The following ICE1 variants were observed in gnomAD, a reference collection of about 807,000 sequenced individuals.
The protein encoded by ICE1 is little elongation complex subunit 1.
In ICE1, 64 loss-of-function variants were observed where a neutral mutation model predicts 192.7. The ratio of observed to expected loss-of-function variants is 0.33; its 90% CI spans 0.27 to 0.41. The LOEUF (loss-of-function observed/expected upper bound fraction) is 0.41. Ranked by LOEUF, ICE1 falls within the 10% of genes least tolerant of loss-of-function variation. The pLI is 1.00. For missense variants in ICE1, 2,708 were observed against 2,696.0 expected, an observed-to-expected ratio of 1.00 and a Z score of -0.10; for synonymous variants, 1,010 against 984.5, an observed-to-expected ratio of 1.03 and a Z score of -0.49.
At position 5,464,214 on chromosome 5, in the gene ICE1, A is replaced by G. The variant is rs776683220; in HGVS notation, c.4880A>G (p.Glu1627Gly). ...GACACACTGAGTAAAATACGGCAAG[A>G]GGTGGGGCCTCCTTTGCCGCCTCTG... ...SPDTLSKIRQ[E>G]VGPPLPPLLA... The change falls in exon 13 of 19, where the codon GAG becomes GGG. Residue 1627 changes from glutamate to glycine, a missense_variant. Glu to Gly is a moderately conservative substitution (Grantham distance 98). Transcript: ENST00000296564. The surrounding 1 kb of genome is among the most constrained non-coding windows in gnomAD (Gnocchi z 4.0). 3 of 1,613,604 alleles carry G rather than the reference A, an allele frequency of 1.9e-6. No individual in the cohort carries two copies. The East Asian group carries it at 6.7e-5, about 36-fold the overall frequency.
chr5:5,480,168 C>T (rs1318161596), intron 17 of ICE1, among the ~76,000 whole-genome samples: 10 of 152,038 alleles, frequency 6.6e-5, no homozygotes, highest in Admixed American at 6.5e-4. Context: ...ATAAAACAAG[C>T]TTCATCCAAT....
Position 5,465,239 on chromosome 5 carries a change from T to C in ICE1, c.5892+13T>C. The C allele has an allele frequency of 1.3e-6, 2 of 1,523,578 alleles. No homozygotes were observed. Among genetic ancestry groups the C allele is most frequent in the South Asian group, 1.2e-5 (1 of 81,302 alleles). The allele number at this position is 1,523,578 out of a possible 1,614,324, so 94.4% of individuals were successfully genotyped here. ...CACAACAAAAAAGGTATGTGGCTGC[T>C]CTTTTCTAAGTGCATTAGGGATTAC... On this transcript the variant is annotated intron_variant, in intron 13 of 18. Transcript: ENST00000296564.
At chr5:5,485,771 A>G (rs1310144718) in intron 17 of ICE1, among the ~76,000 whole-genome samples, 5 of 152,186 alleles carry the variant, frequency 3.3e-5, no homozygotes, top group East Asian at 1.9e-4. Context: ...AATATCACCA[A>G]TCTCATCACA....
chr5:5,429,256 A>AC (rs1737626246), intron 1 of ICE1, among the ~76,000 whole-genome samples: 1 of 152,006 alleles, frequency 6.6e-6, no homozygotes, highest in African/African-American at 2.4e-5. Context: ...AAGATTCCAG[A>AC]CCCCCACAAG....
chr5:5,487,368 A>G (rs1030101746), intron 18 of ICE1, among the ~76,000 whole-genome samples: 2 of 152,234 alleles, frequency 1.3e-5, no homozygotes, highest in Non-Finnish European at 2.9e-5. Context: ...AGTAACTCTT[A>G]TAAGGGATGA....
At chr5:5,426,200 C>A (rs1191805278) in intron 1 of ICE1, among the ~76,000 whole-genome samples, 1 of 152,232 alleles carries the variant, frequency 6.6e-6, no homozygotes, top group Non-Finnish European at 1.5e-5. Flanking sequence ...GTAATCCCAA[C>A]ACTTTGGGAG....
In ICE1 at chr5:5,465,267, G is replaced by A. The variant is rs572343715; in HGVS notation, c.5892+41G>A. 40 of 1,387,350 alleles carry A rather than the reference G, an allele frequency of 2.9e-5. No individual in the cohort carries two copies. In the South Asian group the frequency reaches 5.6e-4, roughly 19 times the overall value. 85.9% of individuals were successfully genotyped at this position (1,387,350 alleles called of 1,614,324 possible). ...TTTCTAAGTGCATTAGGGATTACAT[G>A]TCCTCAAAGACAGATGCTGTTTACT... On this transcript the variant is annotated intron_variant, in intron 13 of 18. Transcript: ENST00000296564.
At chr5:5,476,229 C>T in intron 17 of ICE1, 150 bp downstream of exon 17, 3 of 501,600 alleles carry the variant, frequency 6.0e-6, no homozygotes, top group Non-Finnish European at 1.0e-5. Context: ...AAGTCATTCT[C>T]CTTTCTCTCT....
At chr5:5,426,530 A>T (rs1561069930) in intron 1 of ICE1, among the ~76,000 whole-genome samples, 1 of 152,006 alleles carries the variant, frequency 6.6e-6, no homozygotes, top group South Asian at 2.1e-4. Context: ...CACTTAAAGG[A>T]ATCTTTGAAA....
chr5:5,423,659 T>C (rs1392369417), intron 1 of ICE1, among the ~76,000 whole-genome samples: 1 of 152,054 alleles, frequency 6.6e-6, no homozygotes, highest in East Asian at 1.9e-4. Flanking sequence ...ATTGCTAGAG[T>C]ATGGCTCCAG....
At chr5:5,454,464 A>G in intron 10 of ICE1, 88 bp from the exon 11 acceptor site, 4 of 838,894 alleles carry the variant, frequency 4.8e-6, no homozygotes, top group South Asian at 1.5e-5. Flanking sequence ...CTAAGTCCCT[A>G]ATAAACCCTG....
intron 17 of ICE1, among the ~76,000 whole-genome samples, chr5:5,485,121 C>A (rs1244586951): frequency 6.6e-6 from 1 of 152,012 alleles, no homozygotes; most frequent in South Asian, 2.1e-4. Flanking sequence ...CTTTGGTTCT[C>A]ATACCTGTTA....
intron 7 of ICE1, among the ~76,000 whole-genome samples, chr5:5,444,696 T>G (rs1738159708): frequency 6.6e-6 from 1 of 152,154 alleles, no homozygotes; most frequent in Non-Finnish European, 1.5e-5. Flanking sequence ...GTGGCTACTT[T>G]TAGTACCAAG....
intron 6 of ICE1, 40 bp downstream of exon 6, chr5:5,443,284 G>A: frequency 9.2e-7 from 1 of 1,087,250 alleles, no homozygotes; most frequent in Non-Finnish European, 1.3e-6. Context: ...ACGGTTTTCA[G>A]TTTTGAAAAT....
intron 13 of ICE1, among the ~76,000 whole-genome samples, chr5:5,465,876 G>A (rs991683553): frequency 1.3e-4 from 20 of 152,242 alleles, no homozygotes; most frequent in African/African-American, 4.8e-4. Flanking sequence ...ATTATGTAAT[G>A]CTCCTCTTAG....
intron 6 of ICE1, 54 bp from the exon 7 acceptor site, chr5:5,444,235 A>AT (rs1200332711): frequency 2.0e-5 from 24 of 1,194,462 alleles, no homozygotes; most frequent in Admixed American, 4.5e-5. Context: ...TATAAGGCAT[A>AT]TTTTTTCCTA....
At position 5,461,403 on chromosome 5, in the gene ICE1, C is replaced by T. The variant is rs199672157; in HGVS notation, c.2069C>T (p.Pro690Leu). The T allele has an allele frequency of 3.3e-5, 54 of 1,613,926 alleles. No homozygotes were observed. The highest frequency in any genetic ancestry group is 3.0e-4 in the Admixed American group (18 of 60,022). The stretch of plus-strand genomic sequence containing the variant: ...ACATTACATCTGCAGTCTGAGCCAC[C>T]GGAGTGTTCTATAGGAGGAAACAAC... ...LNTLHLQSEP[P>L]ECSIGGNNLE... The change falls in exon 13 of 19, where the codon CCG becomes CTG. Residue 690 changes from proline to leucine, a missense_variant. Transcript: ENST00000296564.
chr5:5,430,061 C>T (rs570778218), intron 1 of ICE1, among the ~76,000 whole-genome samples: 3 of 152,152 alleles, frequency 2.0e-5, no homozygotes, highest in Non-Finnish European at 4.4e-5. Flanking sequence ...AAGAGGAGAG[C>T]AGGGCTGCTA....
At chr5:5,459,516 AGAG>A (rs1043662929) in intron 12 of ICE1, among the ~76,000 whole-genome samples, 61 of 152,154 alleles carry the variant, frequency 4.0e-4, no homozygotes, top group Admixed American at 3.8e-3. Flanking sequence ...AGAGTATGGA[AGAG>A]GAGAAGATGG....
Sources: gnomAD v4.1 joint callset for allele counts (sites outside exome capture counted in the v4.1 genomes callset) on GRCh38, gnomAD v4.1.1 for gene constraint, Gnocchi (gnomAD v3.1) non-coding constraint, MANE v1.5 for transcripts, NCBI Gene and HGNC (gene_info 2026-07-23, HGNC 2026-07-21) for gene names.